Variants in PRDM5 observed in about 807,000 individuals in gnomAD.
PRDM5 encodes PR domain zinc finger protein 5.
Under a neutral mutation model 81.2 loss-of-function variants are expected in PRDM5, and 56 were observed. That is an observed-to-expected ratio of 0.69 (90% CI 0.56 to 0.86). The LOEUF (loss-of-function observed/expected upper bound fraction) is 0.86. Ranked by LOEUF, PRDM5 falls within the 40% of genes least tolerant of loss-of-function variation. PRDM5 has a pLI of 0.00. For synonymous variants in PRDM5, 267 were observed against 256.4 expected, an observed-to-expected ratio of 1.04 and a Z score of -0.39; for missense variants, 697 against 770.1, an observed-to-expected ratio of 0.91 and a Z score of 1.12.
rs573381010 is a variant in PRDM5, at chr4:120,781,217, T to C, written c.1369A>G (p.Arg457Gly). The change falls in exon 12 of 16, where the codon AGA becomes GGA. Residue 457 changes from arginine (R) to glycine (G), a missense_variant. This residue lies in a region of PRDM5 where 577 missense variants were observed against 606.7 expected (regional missense o/e 0.95). Transcript: ENST00000264808. Reference sequence around the variant, plus strand: ...AGCTCACACCTATACTTCTTGTGTCTTTCATGAACCACCTGGACATGAACA... The same window carrying C: ...AGCTCACACCTATACTTCTTGTGTCCTTCATGAACCACCTGGACATGAACA... ...LNVHVQVVHE[R>G]HKKYRCELCN... The C allele has an allele frequency of 1.9e-6, 3 of 1,613,054 alleles. No individual in the cohort carries two copies. The African/African-American group carries it at 4.0e-5, about 22-fold the overall frequency.
chr4:120,849,565 C>G (rs541775514), intron 3 of PRDM5, among the ~76,000 whole-genome samples: 1 of 152,128 alleles, frequency 6.6e-6, no homozygotes, highest in African/African-American at 2.4e-5. Flanking sequence ...TTATGTAAAT[C>G]GATAAGTATG....
chr4:120,858,578 C>T (rs971550281), intron 2 of PRDM5, among the ~76,000 whole-genome samples: 20 of 149,170 alleles, frequency 1.3e-4, no homozygotes, highest in African/African-American at 2.7e-4. Context: ...CGCGTGCGTG[C>T]GCGCGCACGC....
chr4:120,756,329 T>G (rs1364487081), intron 13 of PRDM5, among the ~76,000 whole-genome samples: 1 of 152,210 alleles, frequency 6.6e-6, no homozygotes, highest in Non-Finnish European at 1.5e-5. Flanking sequence ...TTTGGTCTTA[T>G]GCATGCTATA....
At chr4:120,780,544 C>G (rs961836246) in intron 12 of PRDM5, among the ~76,000 whole-genome samples, 4 of 151,960 alleles carry the variant, frequency 2.6e-5, no homozygotes, top group African/African-American at 9.7e-5. Context: ...TTATTGAGCA[C>G]GTAAAAAATA....
chr4:120,784,693 G>C (rs535041770), intron 11 of PRDM5, among the ~76,000 whole-genome samples: 18 of 152,064 alleles, frequency 1.2e-4, no homozygotes, highest in Non-Finnish European at 2.4e-4. Context: ...AAAATCATGT[G>C]TCAAAACAAA....
intron 5 of PRDM5, 150 bp downstream of exon 5, chr4:120,818,203 A>C (rs1754789880): frequency 1.4e-6 from 1 of 727,560 alleles, no homozygotes. Flanking sequence ...TGACAATACC[A>C]ATGTAAAATG....
intron 2 of PRDM5, among the ~76,000 whole-genome samples, chr4:120,880,439 C>T (rs1762733743): frequency 6.6e-6 from 1 of 152,036 alleles, no homozygotes; most frequent in Non-Finnish European, 1.5e-5. Context: ...ATAGTAGTAA[C>T]ATTAAACAGA....
At chr4:120,787,827 C>T (rs535594097) in intron 10 of PRDM5, among the ~76,000 whole-genome samples, 1 of 152,200 alleles carries the variant, frequency 6.6e-6, no homozygotes, top group East Asian at 1.9e-4. Context: ...TCTAGCACTA[C>T]AGGTACTTGA....
intron 10 of PRDM5, among the ~76,000 whole-genome samples, chr4:120,793,898 C>A (rs949312618): frequency 2.0e-5 from 3 of 151,728 alleles, no homozygotes; most frequent in Non-Finnish European, 4.4e-5. Context: ...ACATTGTACA[C>A]CATAAACATA....
At chr4:120,883,103 T>C (rs1023717138) in intron 2 of PRDM5, among the ~76,000 whole-genome samples, 2 of 152,216 alleles carry the variant, frequency 1.3e-5, no homozygotes, top group African/African-American at 4.8e-5. Context: ...AATTAGTTTC[T>C]TTTAAAGTGT....
At chr4:120,720,996 A>AG (rs1308719003) in intron 14 of PRDM5, among the ~76,000 whole-genome samples, 1 of 152,218 alleles carries the variant, frequency 6.6e-6, no homozygotes, top group Non-Finnish European at 1.5e-5. Flanking sequence ...AATAGAAACA[A>AG]GGAGGCACCT....
intron 15 of PRDM5, among the ~76,000 whole-genome samples, chr4:120,703,712 C>T (rs561418684): frequency 5.8e-4 from 88 of 152,142 alleles, no homozygotes; most frequent in Non-Finnish European, 9.9e-4. Flanking sequence ...ACTATTAAAC[C>T]CATTTTACAG....
At position 120,724,723 on chromosome 4, in the gene PRDM5, A is replaced by C. The variant is rs1560983350; in HGVS notation, c.1624-14310T>G. Among the ~76,000 whole-genome samples, 7 of 152,352 alleles carry C rather than the reference A, an allele frequency of 4.6e-5. No individual in the cohort carries two copies. The South Asian group carries it at 6.2e-4, about 14-fold the overall frequency. Reference sequence around the variant, plus strand: ...AAAGGGATATCTAATTCTAAAAAAAACATACTTATCCCATTACACAATTTT... The same window carrying C: ...AAAGGGATATCTAATTCTAAAAAAACCATACTTATCCCATTACACAATTTT... On this transcript the variant is annotated intron_variant, in intron 14 of 15. Transcript: ENST00000264808.
chr4:120,851,816 T>C (rs943093114), intron 3 of PRDM5, among the ~76,000 whole-genome samples: 20 of 152,184 alleles, frequency 1.3e-4, no homozygotes, highest in African/African-American at 4.3e-4. Flanking sequence ...TGTCAACAAA[T>C]TGTCAAACTA....
intron 13 of PRDM5, among the ~76,000 whole-genome samples, chr4:120,769,158 C>A (rs1465983537): frequency 6.6e-6 from 1 of 152,180 alleles, no homozygotes; most frequent in East Asian, 1.9e-4. Flanking sequence ...ACAGGTAATG[C>A]AACCCACTTG....
At chr4:120,722,296 TACA>T (rs1738738371) in intron 14 of PRDM5, among the ~76,000 whole-genome samples, 1 of 152,094 alleles carries the variant, frequency 6.6e-6, no homozygotes, top group South Asian at 2.1e-4. Flanking sequence ...CCCTGACAGT[TACA>T]CAATCAGAGA....
intron 10 of PRDM5, among the ~76,000 whole-genome samples, chr4:120,787,126 A>T (rs1376655111): frequency 1.2e-4 from 18 of 152,178 alleles, no homozygotes; most frequent in Admixed American, 1.2e-3. Flanking sequence ...CAAACATTTC[A>T]GAGAATGGGG....
intron 8 of PRDM5, among the ~76,000 whole-genome samples, chr4:120,808,978 C>T (rs575354707): frequency 2.0e-4 from 30 of 152,338 alleles, no homozygotes; most frequent in African/African-American, 5.3e-4. Context: ...CTGAGGGAGC[C>T]GGCTCCGGCC....
chr4:120,695,271 CA>C lies in PRDM5; in HGVS notation c.1732del (p.Cys578ValfsTer7). ...TGEKPFQCDV[C>X]DLAFSLKKML... ...TTTCTTCAGGCTAAAAGCCAAATCA[CA>C]AACCTAGAAAAGACCCAAAGACCAA... On this transcript the variant is annotated frameshift_variant, in exon 16 of 16. Coordinates refer to ENST00000264808, the MANE Select transcript of PRDM5 (RefSeq NM_018699.4). LOFTEE classifies it high-confidence loss of function. The C allele has an allele frequency of 6.2e-7, 1 of 1,613,198 alleles. No individual in the cohort carries two copies. Among genetic ancestry groups the C allele is most frequent in the Non-Finnish European group, 8.5e-7 (1 of 1,179,486 alleles).
Sources: gnomAD v4.1 joint callset for allele counts (sites outside exome capture counted in the v4.1 genomes callset) on GRCh38, gnomAD v4.1.1 for gene constraint, gnomAD v4.1.1 regional missense constraint, MANE v1.5 for transcripts, NCBI Gene and HGNC (gene_info 2026-07-23, HGNC 2026-07-21) for gene names.